The following MIS18A variants were observed in gnomAD, a reference collection of about 807,000 sequenced individuals.
MIS18A encodes the protein protein Mis18-alpha.
MIS18A carries 14 observed loss-of-function variants against 25.0 expected under a neutral mutation model. The ratio of observed to expected loss-of-function variants is 0.56; its 90% CI spans 0.37 to 0.88. The LOEUF (loss-of-function observed/expected upper bound fraction) is 0.88. MIS18A is among the 40% of genes least tolerant of loss of function. The pLI, the probability that MIS18A is intolerant of heterozygous loss-of-function variation, is 0.00. For synonymous variants in MIS18A, 134 were observed against 118.6 expected, an observed-to-expected ratio of 1.13 and a Z score of -0.84; for missense variants, 292 against 290.8, an observed-to-expected ratio of 1.00 and a Z score of -0.03.
the MIS18A span, among the ~76,000 whole-genome samples, chr21:32,237,243 G>T: frequency 2.6e-5 from 4 of 152,308 alleles, no homozygotes; most frequent in South Asian, 8.3e-4. Context: ...AGATGATGTG[G>T]GCAGAACCAA....
chr21:32,157,460 A>C, the MIS18A span, among the ~76,000 whole-genome samples: 3 of 147,984 alleles, frequency 2.0e-5, no homozygotes, highest in Non-Finnish European at 3.0e-5. Flanking sequence ...GTAGCATTTA[A>C]AATTAAGAAT....
chr21:32,249,319 AGAC>A, the MIS18A span, among the ~76,000 whole-genome samples: 1 of 152,164 alleles, frequency 6.6e-6, no homozygotes, highest in Non-Finnish European at 1.5e-5. Context: ...CCCTCAGTCG[AGAC>A]ATGCAGCCTG....
the MIS18A span, among the ~76,000 whole-genome samples, chr21:32,205,933 C>T: frequency 4.6e-5 from 7 of 152,274 alleles, no homozygotes; most frequent in South Asian, 1.2e-3. Context: ...GAGAGACCCC[C>T]CCCATTCCAG....
chr21:32,265,548 A>AG (rs1275292901), downstream of MIS18A, among the ~76,000 whole-genome samples: 6 of 152,200 alleles, frequency 3.9e-5, no homozygotes, highest in African/African-American at 1.2e-4. Context: ...ATTTCTCGCC[A>AG]GGCCTTAGCT....
At chr21:32,231,972 G>A in the MIS18A span, among the ~76,000 whole-genome samples, 3 of 152,128 alleles carry the variant, frequency 2.0e-5, no homozygotes, top group East Asian at 5.8e-4. Flanking sequence ...CCTCTCTGCT[G>A]GGTATATTCC....
At chr21:32,257,481 G>T in the MIS18A span, among the ~76,000 whole-genome samples, 2 of 152,246 alleles carry the variant, frequency 1.3e-5, no homozygotes, top group East Asian at 3.9e-4. Flanking sequence ...AGCTTCTTTT[G>T]TGGTCTTGGT....
the MIS18A span, among the ~76,000 whole-genome samples, chr21:32,225,235 C>T: frequency 1.9e-5 from 2 of 103,994 alleles, no homozygotes; most frequent in African/African-American, 4.8e-5. Context: ...ACTTCATGTC[C>T]AAAACACCAA....
chr21:32,227,303 A>C, the MIS18A span, among the ~76,000 whole-genome samples: 2 of 152,094 alleles, frequency 1.3e-5, no homozygotes, highest in African/African-American at 4.8e-5. Context: ...CAAAATTGAC[A>C]AATGTTTCTC....
chr21:32,164,702 A>C, the MIS18A span, among the ~76,000 whole-genome samples: 1 of 151,824 alleles, frequency 6.6e-6, no homozygotes, highest in Non-Finnish European at 1.5e-5. Context: ...TACATCAATA[A>C]CAGCAACAGC....
chr21:32,202,046 T>C, the MIS18A span, among the ~76,000 whole-genome samples: 2 of 152,150 alleles, frequency 1.3e-5, no homozygotes, highest in African/African-American at 4.8e-5. Flanking sequence ...CTCAGCACTT[T>C]AGGAGACCAA....
At chr21:32,184,528 A>G in the MIS18A span, among the ~76,000 whole-genome samples, 11,905 of 152,142 alleles carry the variant, frequency 0.078, 588 homozygotes, top group South Asian at 0.16. Flanking sequence ...AGACATCCCA[A>G]TTATCACCCT....
At chr21:32,166,689 T>G in the MIS18A span, among the ~76,000 whole-genome samples, 1 of 152,130 alleles carries the variant, frequency 6.6e-6, no homozygotes, top group Non-Finnish European at 1.5e-5. Flanking sequence ...TATAATTAAA[T>G]AAATATGTAA....
chr21:32,252,422 AGAG>A, the MIS18A span, among the ~76,000 whole-genome samples: 1 of 147,244 alleles, frequency 6.8e-6, no homozygotes, highest in Non-Finnish European at 1.5e-5. Flanking sequence ...AGAAGAAGGA[AGAG>A]GAGGAGGAGG....
chr21:32,198,918 A>AG, the MIS18A span, among the ~76,000 whole-genome samples: 5 of 151,930 alleles, frequency 3.3e-5, no homozygotes, highest in East Asian at 1.9e-4. Flanking sequence ...AAAAAAAAAA[A>AG]AAAGAAAGAA....
At chr21:32,254,977 CA>C in the MIS18A span, among the ~76,000 whole-genome samples, 9 of 152,202 alleles carry the variant, frequency 5.9e-5, no homozygotes, top group East Asian at 1.4e-3. Flanking sequence ...GTCATTGAAA[CA>C]AAGTTGCAAA....
At chr21:32,212,707 G>A in the MIS18A span, among the ~76,000 whole-genome samples, 1 of 152,174 alleles carries the variant, frequency 6.6e-6, no homozygotes, top group Non-Finnish European at 1.5e-5. Flanking sequence ...GTCAAGGTGG[G>A]GGCCAGGTGG....
the MIS18A span, among the ~76,000 whole-genome samples, chr21:32,175,863 T>G: frequency 1.1e-3 from 162 of 152,216 alleles, no homozygotes; most frequent in Admixed American, 2.6e-3. Flanking sequence ...TACAAAAATT[T>G]TTTTTCTTTA....
At chr21:32,250,108 G>A in the MIS18A span, among the ~76,000 whole-genome samples, 2 of 152,008 alleles carry the variant, frequency 1.3e-5, no homozygotes, top group South Asian at 2.1e-4. Context: ...CCCAGCCCAC[G>A]AGCCAGCCAG....
chr21:32,260,469 G>C, the MIS18A span: 1 of 153,096 alleles, frequency 6.5e-6, no homozygotes, highest in Non-Finnish European at 1.5e-5. Flanking sequence ...CCAGGGACCC[G>C]GGGAGACAAT....
Sources: allele counts gnomAD v4.1 joint callset (sites outside exome capture counted in the v4.1 genomes callset), GRCh38; gene constraint gnomAD v4.1.1; transcripts MANE v1.5; gene names NCBI Gene and HGNC (gene_info 2026-07-23, HGNC 2026-07-21).